FILIP1L: variants seen among roughly 807,000 people sequenced by gnomAD.
The protein encoded by FILIP1L is filamin A interacting protein 1 like, also known as filamin A-interacting protein 1-like.
In FILIP1L, 55 loss-of-function variants were observed where a neutral mutation model predicts 96.6. That is an observed-to-expected ratio of 0.57 (90% CI 0.46 to 0.71). The LOEUF (loss-of-function observed/expected upper bound fraction) is 0.71. Among genes scored for constraint, FILIP1L ranks in the 30% least tolerant of loss-of-function variants. FILIP1L has a pLI of 0.00. For synonymous variants in FILIP1L, 467 were observed against 473.9 expected, an observed-to-expected ratio of 0.99 and a Z score of 0.19; for missense variants, 1,304 against 1,321.2, an observed-to-expected ratio of 0.99 and a Z score of 0.20.
chr3:100,094,669 G>A (rs1231980015), intron 1 of FILIP1L, among the ~76,000 whole-genome samples: 1 of 131,874 alleles, frequency 7.6e-6, no homozygotes, highest in African/African-American at 2.8e-5. Flanking sequence ...TGTTGGAAAA[G>A]CTGCCTTTTT....
chr3:99,931,094 T>C, intron 1 of FILIP1L, 64 bp from the exon 2 acceptor site: 1 of 1,349,332 alleles, frequency 7.4e-7, no homozygotes, highest in East Asian at 2.3e-5. Flanking sequence ...GAGTACCTAT[T>C]ACTGCTTTAA....
Position 99,924,402 on chromosome 3 carries a change from T to G in FILIP1L, c.433A>C (p.Lys145Gln), listed in dbSNP as rs1446232606. 6.2e-7 allele frequency: 1 copy of G among 1,613,814 alleles called. No homozygotes were observed. Among genetic ancestry groups the G allele is most frequent in the Non-Finnish European group, 8.5e-7 (1 of 1,179,948 alleles). Residue 145 changes from lysine (K) to glutamine (Q), a missense_variant, in exon 4 of 6, where the codon AAA (lysine) becomes CAA (glutamine). Coordinates refer to ENST00000477258, the MANE Select transcript of FILIP1L (RefSeq NM_001387850.1). ...IYEKPMNELD[K>Q]VVEKHKESYR... ...GATTCTTTATGTTTTTCCACAACTTTGTCCAACTACGAAAGAAAACATTTA... is the reference window on the plus strand; with the variant it reads ...GATTCTTTATGTTTTTCCACAACTTGGTCCAACTACGAAAGAAAACATTTA...
chr3:100,062,093 CTTTTTTTTTTT>C (rs71907944), intron 1 of FILIP1L, among the ~76,000 whole-genome samples: 36 of 53,170 alleles, frequency 6.8e-4, no homozygotes, highest in South Asian at 6.6e-3. Context: ...CTGTCTTCTT[CTTTTTTTTTTT>C]TTTTTTTTTT....
intron 1 of FILIP1L, among the ~76,000 whole-genome samples, chr3:100,066,339 C>CT (rs1468163094): frequency 2.0e-5 from 3 of 152,072 alleles, no homozygotes; most frequent in Non-Finnish European, 4.4e-5. Context: ...GACAGTTACA[C>CT]TTTTTTATTT....
intron 1 of FILIP1L, among the ~76,000 whole-genome samples, chr3:99,983,476 A>ATATGTGTATGTG (rs1709224540): frequency 1.8e-4 from 3 of 16,686 alleles, no homozygotes; most frequent in African/African-American, 6.6e-4. Flanking sequence ...ATATATATAT[A>ATATGTGTATGTG]TATATATATA....
At chr3:99,833,304 A>T (rs890295719) in intron 5 of FILIP1L, 2 of 1,531,442 alleles carry the variant, frequency 1.3e-6, no homozygotes, top group Admixed American at 1.8e-5. Context: ...TGTGGAATAT[A>T]TTAAATTCTA....
chr3:100,058,186 G>A lies in FILIP1L; in HGVS notation c.-11+55867C>T, dbSNP rs116799118. Among the ~76,000 whole-genome samples, 980 of 152,290 alleles carry A rather than the reference G, an allele frequency of 6.4e-3. 5 individuals carry two copies. The highest frequency in any genetic ancestry group is 0.022 in the African/African-American group (928 of 41,564). ...TGAGACTCCTATCTGTCTGACTCTAGAGCCTATGCTATTACTCTCTATACC... is the reference window on the plus strand; with the variant it reads ...TGAGACTCCTATCTGTCTGACTCTAAAGCCTATGCTATTACTCTCTATACC... On this transcript the variant is annotated intron_variant, in intron 1 of 5. Transcript: ENST00000477258.
chr3:100,056,201 C>T (rs1172036024), intron 1 of FILIP1L, among the ~76,000 whole-genome samples: 2 of 152,120 alleles, frequency 1.3e-5, no homozygotes, highest in Non-Finnish European at 2.9e-5. Flanking sequence ...ATATTATTAC[C>T]AGCTGAGGGT....
intron 4 of FILIP1L, among the ~76,000 whole-genome samples, chr3:99,892,059 G>C (rs905720754): frequency 1.1e-4 from 17 of 152,322 alleles, no homozygotes; most frequent in Non-Finnish European, 1.9e-4. Flanking sequence ...CTGATGTAAA[G>C]AGGGATGGTC....
chr3:100,012,829 G>A (rs1194460652), intron 1 of FILIP1L, among the ~76,000 whole-genome samples: 3 of 149,180 alleles, frequency 2.0e-5, no homozygotes, highest in Non-Finnish European at 4.4e-5. Context: ...CTGGAGTGCA[G>A]TAGCATGATC....
rs113341190 is a variant in FILIP1L at position 99,907,565 on chromosome 3, T to A, written c.605+16665A>T. 7.2e-3 allele frequency among the ~76,000 whole-genome samples: 1,100 copies of A among 152,218 alleles called. 19 individuals are homozygous for A. Among genetic ancestry groups the A allele is most frequent in the African/African-American group, 0.024 (1,014 of 41,548 alleles). ...CCTGGCGTACCCCTTTATTTTGACA[T>A]CTGCAGCTCTTTGCTGAACATAACA... On this transcript the variant is annotated intron_variant, in intron 4 of 5. Coordinates refer to ENST00000477258, the MANE Select transcript of FILIP1L (RefSeq NM_001387850.1).
intron 1 of FILIP1L, among the ~76,000 whole-genome samples, chr3:100,062,218 T>C (rs1448703703): frequency 6.8e-6 from 1 of 147,818 alleles, no homozygotes; most frequent in Non-Finnish European, 1.5e-5. Context: ...TTCAGGCCAT[T>C]CTCCTGCCTC....
chr3:99,830,681 G>A (rs1942643566), intron 5 of FILIP1L, 76 bp from the exon 6 acceptor site: 1 of 432,600 alleles, frequency 2.3e-6, no homozygotes, highest in South Asian at 1.7e-5. Context: ...AGGACATGGA[G>A]TCAGTTTGGA....
chr3:99,958,246 ATTATTT>A (rs1193625001), intron 1 of FILIP1L, among the ~76,000 whole-genome samples: 2 of 133,360 alleles, frequency 1.5e-5, no homozygotes, highest in African/African-American at 6.0e-5. Flanking sequence ...TATTATTATT[ATTATTT>A]GAAGGTAACA....
rs115722395 is a variant in FILIP1L at position 100,012,052 on chromosome 3, G to C, written c.-10-81022C>G. 6.2e-3 allele frequency among the ~76,000 whole-genome samples: 938 copies of C among 152,176 alleles called. 6 individuals are homozygous for C. Among genetic ancestry groups the C allele is most frequent in the African/African-American group, 0.018 (744 of 41,518 alleles). On this transcript the variant is annotated intron_variant, in intron 1 of 5. Coordinates refer to ENST00000477258, the MANE Select transcript of FILIP1L (RefSeq NM_001387850.1). The stretch of plus-strand genomic sequence containing the variant: ...ATTTCTTTTGAAAACCTTTGTGAGG[G>C]GGGTGGTATGTGGTAAGCAAGGGAT...
At chr3:100,042,250 A>G (rs554296547) in intron 1 of FILIP1L, among the ~76,000 whole-genome samples, 1 of 152,360 alleles carries the variant, frequency 6.6e-6, no homozygotes, top group South Asian at 2.1e-4. Context: ...TTAAACAAAC[A>G]GAATGATCCA....
At chr3:99,948,710 G>C (rs1708087613) in intron 1 of FILIP1L, among the ~76,000 whole-genome samples, 1 of 149,338 alleles carries the variant, frequency 6.7e-6, no homozygotes, top group African/African-American at 2.5e-5. Context: ...GAAAGGGAGA[G>C]GAAGGGAAAG....
At chr3:99,858,417 A>G (rs961742577) in intron 4 of FILIP1L, among the ~76,000 whole-genome samples, 1 of 152,186 alleles carries the variant, frequency 6.6e-6, no homozygotes, top group African/African-American at 2.4e-5. Flanking sequence ...ATGAGCTGAG[A>G]TCACACCACT....
chr3:99,859,998 T>C (rs1944162780), intron 4 of FILIP1L, among the ~76,000 whole-genome samples: 1 of 152,242 alleles, frequency 6.6e-6, no homozygotes, highest in African/African-American at 2.4e-5. Flanking sequence ...TTCATTTGAC[T>C]TAGTCAGCAA....
Sources: gnomAD v4.1 joint callset for allele counts (sites outside exome capture counted in the v4.1 genomes callset) on GRCh38, gnomAD v4.1.1 for gene constraint, MANE v1.5 for transcripts, NCBI Gene and HGNC (gene_info 2026-07-23, HGNC 2026-07-21) for gene names.